CDH13: variants seen among roughly 807,000 people sequenced by gnomAD.
The protein encoded by CDH13 is cadherin 13.
A neutral mutation model predicts 63.8 loss-of-function variants in CDH13; 24 were observed. That is an observed-to-expected ratio of 0.38 (90% CI 0.27 to 0.53). The LOEUF (loss-of-function observed/expected upper bound fraction) is 0.53, where lower values mean the gene tolerates loss of function less well. Among genes scored for constraint, CDH13 ranks in the 20% least tolerant of loss-of-function variants. The pLI is 0.85. For missense variants in CDH13, 1,049 were observed against 903.1 expected, an observed-to-expected ratio of 1.16 and a Z score of -2.07; for synonymous variants, 503 against 355.3, an observed-to-expected ratio of 1.42 and a Z score of -4.67.
intron 3 of CDH13, among the ~76,000 whole-genome samples, chr16:83,102,337 A>G (rs1440821169): frequency 6.6e-6 from 1 of 152,212 alleles, no homozygotes; most frequent in Non-Finnish European, 1.5e-5. Flanking sequence ...ATTGGAAACT[A>G]ATACAGCAAT....
At chr16:83,617,094 C>T (rs1445157223) in intron 8 of CDH13, among the ~76,000 whole-genome samples, 4 of 152,176 alleles carry the variant, frequency 2.6e-5, no homozygotes, top group Admixed American at 2.0e-4. Flanking sequence ...CATTGCCTTT[C>T]GCTTGTGGAC....
intron 2 of CDH13, among the ~76,000 whole-genome samples, chr16:83,002,995 C>T (rs1269390668): frequency 6.6e-6 from 1 of 152,174 alleles, no homozygotes; most frequent in Non-Finnish European, 1.5e-5. Context: ...AGGTAGGTAA[C>T]AAAATTCCCA....
At position 82,703,439 on chromosome 16, in the gene CDH13, T is replaced by C. The variant is rs181159096; in HGVS notation, c.45+76302T>C. ...CCCAGGATCAGCTCTCAACCAGGGA[T>C]GAATACAGATGGAGGATAAATTTCC... is the stretch of plus-strand genomic sequence containing the variant. On this transcript the variant is annotated intron_variant, in intron 1 of 13. Coordinates refer to ENST00000567109, the MANE Select transcript of CDH13 (RefSeq NM_001257.5). Among the ~76,000 whole-genome samples, 13 of 152,246 alleles carry C rather than the reference T, an allele frequency of 8.5e-5. No individual in the cohort carries two copies. In the South Asian group the frequency reaches 1.7e-3, roughly 19 times the overall value.
At chr16:82,898,584 G>T (rs777079473) in intron 2 of CDH13, among the ~76,000 whole-genome samples, 3 of 152,176 alleles carry the variant, frequency 2.0e-5, no homozygotes, top group Non-Finnish European at 2.9e-5. Context: ...TGGTCTCATG[G>T]ATGATATAGA....
At chr16:83,440,346 A>G (rs2072444774) in intron 6 of CDH13, among the ~76,000 whole-genome samples, 2 of 152,164 alleles carry the variant, frequency 1.3e-5, no homozygotes, top group African/African-American at 4.8e-5. Context: ...CCAAATATTT[A>G]GTTAGTGCAG....
intron 3 of CDH13, among the ~76,000 whole-genome samples, chr16:83,061,931 G>A (rs1394465426): frequency 6.6e-6 from 1 of 152,214 alleles, no homozygotes; most frequent in African/African-American, 2.4e-5. Flanking sequence ...AGGCCCTCTA[G>A]AGAGGCTGTG....
chr16:83,164,486 G>A (rs1394790191), intron 4 of CDH13, among the ~76,000 whole-genome samples: 1 of 151,952 alleles, frequency 6.6e-6, no homozygotes, highest in Non-Finnish European at 1.5e-5. Flanking sequence ...GAAATGTCTA[G>A]GGGCCCCACA....
chr16:82,708,988 A>G (rs1479414857), intron 1 of CDH13, among the ~76,000 whole-genome samples: 1 of 152,220 alleles, frequency 6.6e-6, no homozygotes, highest in Non-Finnish European at 1.5e-5. Context: ...ATGAGTTCAT[A>G]GATTAGAGAT....
chr16:82,841,072 G>C (rs898999022), intron 1 of CDH13, among the ~76,000 whole-genome samples: 8 of 152,220 alleles, frequency 5.3e-5, no homozygotes, highest in African/African-American at 1.7e-4. Context: ...GGGGACACAT[G>C]GGATGCATGG....
rs1182968593 is a variant in CDH13 at position 82,679,397 on chromosome 16, TTTACCTA to T, written c.45+52262_45+52268del. Among the ~76,000 whole-genome samples, 6 of 152,278 alleles carry T rather than the reference TTTACCTA, an allele frequency of 3.9e-5. No homozygotes were observed. The South Asian group carries it at 6.2e-4, about 16-fold the overall frequency. ...GCAAGAACTGTCCAACATAATCTAG[TTTACCTA>T]TGGACTTTCAAAGGTTTGCAAAGAT... is the stretch of plus-strand genomic sequence containing the variant. On this transcript the variant is annotated intron_variant, in intron 1 of 13. Coordinates refer to ENST00000567109, the MANE Select transcript of CDH13 (RefSeq NM_001257.5).
chr16:83,287,626 A>G (rs1413508815), intron 5 of CDH13, among the ~76,000 whole-genome samples: 1 of 152,200 alleles, frequency 6.6e-6, no homozygotes, highest in African/African-American at 2.4e-5. Flanking sequence ...GTTGCAGGAA[A>G]CCAAGCTCAG....
intron 5 of CDH13, among the ~76,000 whole-genome samples, chr16:83,270,382 C>A (rs544372384): frequency 6.6e-6 from 1 of 152,218 alleles, no homozygotes; most frequent in African/African-American, 2.4e-5. Context: ...AATATGCCCA[C>A]GAGGAAATAC....
intron 2 of CDH13, among the ~76,000 whole-genome samples, chr16:82,899,110 G>C (rs1241931145): frequency 2.0e-5 from 3 of 152,238 alleles, no homozygotes; most frequent in African/African-American, 7.2e-5. Context: ...GTTGTCTAGA[G>C]AAATAGAGGG....
intron 6 of CDH13, among the ~76,000 whole-genome samples, chr16:83,362,660 C>T (rs1032858297): frequency 9.2e-5 from 14 of 152,206 alleles, no homozygotes; most frequent in African/African-American, 3.1e-4. Context: ...CCATGTAAGT[C>T]TGCCTTTGCC....
chr16:83,559,441 T>G (rs2075660700), intron 7 of CDH13, among the ~76,000 whole-genome samples: 1 of 151,914 alleles, frequency 6.6e-6, no homozygotes, highest in Non-Finnish European at 1.5e-5. Flanking sequence ...CATGGTGGCG[T>G]GTACCTATAA....
intron 1 of CDH13, among the ~76,000 whole-genome samples, chr16:82,642,081 T>G: frequency 8.6e-6 from 1 of 116,266 alleles, no homozygotes; most frequent in African/African-American, 3.3e-5. Flanking sequence ...AACTAACAGC[T>G]CATGGAGGGC....
At chr16:82,955,876 G>A (rs1906012443) in intron 2 of CDH13, among the ~76,000 whole-genome samples, 1 of 152,172 alleles carries the variant, frequency 6.6e-6, no homozygotes, top group Admixed American at 6.5e-5. Context: ...TAAATAAAGA[G>A]ACAAAGAATG....
At chr16:83,097,124 A>C (rs975581265) in intron 3 of CDH13, among the ~76,000 whole-genome samples, 2 of 152,170 alleles carry the variant, frequency 1.3e-5, no homozygotes, top group South Asian at 2.1e-4. Context: ...TTCTCAACAA[A>C]ATTTGATATC....
At chr16:82,934,986 C>G (rs1201412116) in intron 2 of CDH13, among the ~76,000 whole-genome samples, 2 of 152,224 alleles carry the variant, frequency 1.3e-5, no homozygotes, top group African/African-American at 2.4e-5. Flanking sequence ...TCCAAAGTCA[C>G]TTCCACATTT....
Sources: gnomAD v4.1 joint callset for allele counts (sites outside exome capture counted in the v4.1 genomes callset) on GRCh38, gnomAD v4.1.1 for gene constraint, MANE v1.5 for transcripts, NCBI Gene and HGNC (gene_info 2026-07-23, HGNC 2026-07-21) for gene names.